The following POU2F1 variants were observed in gnomAD, a reference collection of about 807,000 sequenced individuals.
POU2F1 encodes the protein POU class 2 homeobox 1, also known as POU domain, class 2, transcription factor 1.
Under a neutral mutation model 84.9 loss-of-function variants are expected in POU2F1, and 16 were observed. The observed-to-expected ratio is 0.19, with a 90% CI of 0.13 to 0.29. The LOEUF (loss-of-function observed/expected upper bound fraction) is 0.29, where lower values mean the gene tolerates loss of function less well. Among genes scored for constraint, POU2F1 ranks in the 10% least tolerant of loss-of-function variants. The pLI is 1.00. For missense variants in POU2F1, 738 were observed against 942.6 expected (o/e 0.78, Z 2.84); for synonymous variants, 368 against 368.3 (o/e 1.00, Z 0.01).
intron 1 of POU2F1, among the ~76,000 whole-genome samples, chr1:167,307,195 C>A (rs1655127881): frequency 6.6e-6 from 1 of 151,994 alleles, no homozygotes; most frequent in Admixed American, 6.6e-5. Flanking sequence ...AGTGATGACA[C>A]CAACTGTGTA....
intron 1 of POU2F1, among the ~76,000 whole-genome samples, chr1:167,326,459 C>T (rs1465455331): frequency 1.3e-5 from 2 of 152,180 alleles, no homozygotes; most frequent in African/African-American, 2.4e-5. Context: ...AGGCAAGAGA[C>T]GGTGACAGTC....
chr1:167,378,748 A>G (rs1159846268), intron 7 of POU2F1, among the ~76,000 whole-genome samples: 1 of 151,746 alleles, frequency 6.6e-6, no homozygotes, highest in African/African-American at 2.4e-5. Context: ...TAAATAGGAA[A>G]TGGATTCACA....
chr1:167,396,476 T>G lies in POU2F1; in HGVS notation c.1129+49T>G, dbSNP rs73026285. ...CTTTGTCATTCATTGGAATTTTACA[T>G]GGGGATTGTTATATAAATTGGGGTT... On this transcript the variant is annotated intron_variant, in intron 10 of 15. Transcript: ENST00000367866. The G allele has an allele frequency of 0.018, 28,012 of 1,567,194 alleles. 3,485 individuals carry two copies. In the African/African-American group the frequency reaches 0.3, roughly 17 times the overall value.
At chr1:167,314,305 A>G (rs1389275185) in intron 1 of POU2F1, among the ~76,000 whole-genome samples, 5 of 152,182 alleles carry the variant, frequency 3.3e-5, no homozygotes, top group Admixed American at 3.3e-4. Flanking sequence ...ATTACTAGCC[A>G]CTAGGGAAAT....
chr1:167,400,047 G>A (rs1004438924), intron 12 of POU2F1, among the ~76,000 whole-genome samples: 8 of 121,090 alleles, frequency 6.6e-5, no homozygotes, highest in South Asian at 2.9e-4. Context: ...GCAATGGTAC[G>A]ATTTCAGCTC....
intron 1 of POU2F1, among the ~76,000 whole-genome samples, chr1:167,270,570 A>G (rs1199853451): frequency 6.6e-6 from 1 of 152,190 alleles, no homozygotes; most frequent in Admixed American, 6.5e-5. Flanking sequence ...ACAGACAGAG[A>G]GTCAGACTTG....
chr1:167,368,804 T>G (rs1024241433), intron 3 of POU2F1, among the ~76,000 whole-genome samples: 1 of 152,228 alleles, frequency 6.6e-6, no homozygotes, highest in Non-Finnish European at 1.5e-5. Context: ...ATTTTAGCTC[T>G]TAACTCTTCA....
chr1:167,257,704 T>C (rs1651247406), intron 1 of POU2F1: 1 of 152,066 alleles, frequency 6.6e-6, no homozygotes, highest in Non-Finnish European at 1.5e-5. Context: ...CAACATTTAA[T>C]GAACACTGAT....
At chr1:167,378,234 T>G (rs1219516076) in intron 7 of POU2F1, among the ~76,000 whole-genome samples, 1 of 152,140 alleles carries the variant, frequency 6.6e-6, no homozygotes, top group African/African-American at 2.4e-5. Context: ...TTTTTGTTCT[T>G]TGTTTTTTGG....
intron 1 of POU2F1, 34 bp downstream of exon 1, chr1:167,220,992 A>C (rs1177534090): frequency 6.6e-7 from 1 of 1,516,518 alleles, no homozygotes; most frequent in East Asian, 2.5e-5. Flanking sequence ...ATTCATATTC[A>C]TACTCAACCC....
intron 2 of POU2F1, among the ~76,000 whole-genome samples, chr1:167,337,729 C>G (rs777186351): frequency 1.3e-5 from 2 of 151,384 alleles, no homozygotes; most frequent in Non-Finnish European, 2.9e-5. Context: ...GAAGGAAAAT[C>G]ATTGAAGAGA....
chr1:167,350,673 CAAA>C (rs56240224), intron 2 of POU2F1, among the ~76,000 whole-genome samples: 7 of 58,722 alleles, frequency 1.2e-4, no homozygotes, highest in Non-Finnish European at 1.5e-4. Flanking sequence ...GACTCCATCT[CAAA>C]AAAAAAAAAA....
At chr1:167,414,327 C>T (rs1650165525) in intron 15 of POU2F1, 1 of 985,148 alleles carries the variant, frequency 1.0e-6, no homozygotes, top group Non-Finnish European at 1.2e-6. Flanking sequence ...AAAATGTCTT[C>T]CCTAGGGCAT....
intron 1 of POU2F1, chr1:167,257,774 GTT>G (rs11309465): frequency 1.4e-3 from 192 of 141,446 alleles, no homozygotes; most frequent in South Asian, 2.7e-3. Flanking sequence ...TTGGAAGCAG[GTT>G]TTTTTTTTTT....
intron 1 of POU2F1, among the ~76,000 whole-genome samples, chr1:167,291,756 G>C (rs1653938287): frequency 6.6e-6 from 1 of 152,098 alleles, no homozygotes; most frequent in Admixed American, 6.5e-5. Context: ...GCATATTGTT[G>C]AAGTTTTCCA....
chr1:167,332,665 G>T, intron 2 of POU2F1, 130 bp downstream of exon 2: 2 of 635,058 alleles, frequency 3.1e-6, no homozygotes, highest in Non-Finnish European at 5.3e-6. Flanking sequence ...ATATGATTCA[G>T]TCCTTTAGGA....
At chr1:167,269,944 C>G (rs1014264417) in intron 1 of POU2F1, among the ~76,000 whole-genome samples, 1 of 149,404 alleles carries the variant, frequency 6.7e-6, no homozygotes, top group African/African-American at 2.4e-5. Flanking sequence ...AAGAGTCGAA[C>G]TTAGGACAAC....
intron 12 of POU2F1, among the ~76,000 whole-genome samples, chr1:167,399,619 G>A (rs1371257730): frequency 4.6e-5 from 7 of 151,942 alleles, no homozygotes; most frequent in East Asian, 1.9e-4. Flanking sequence ...GTGAAATCTC[G>A]TGTTGTTATT....
At chr1:167,398,717 G>C (rs186233915) in intron 11 of POU2F1, among the ~76,000 whole-genome samples, 1 of 152,158 alleles carries the variant, frequency 6.6e-6, no homozygotes, top group Non-Finnish European at 1.5e-5. Context: ...GAAAAGACTT[G>C]AGCACATTGG....
Sources: allele counts gnomAD v4.1 joint callset (sites outside exome capture counted in the v4.1 genomes callset), GRCh38; gene constraint gnomAD v4.1.1; transcripts MANE v1.5; gene names NCBI Gene and HGNC (gene_info 2026-07-23, HGNC 2026-07-21).